SETBP1: variants seen among roughly 807,000 people sequenced by gnomAD.
SETBP1 encodes SET-binding protein.
SETBP1 carries 9 observed loss-of-function variants against 101.0 expected under a neutral mutation model. The ratio of observed to expected loss-of-function variants is 0.09; its 90% CI spans 0.05 to 0.16. The LOEUF is 0.16. SETBP1 is among the 10% of genes least tolerant of loss of function. The probability of loss-of-function intolerance (pLI) is 1.00; values close to 1 mark genes in which losing one functional copy is unlikely to be tolerated. For synonymous variants in SETBP1, 818 were observed against 788.5 expected, an observed-to-expected ratio of 1.04 and a Z score of -0.63; for missense variants, 1,858 against 2,033.8, an observed-to-expected ratio of 0.91 and a Z score of 1.66.
chr18:44,771,030 G>A (rs1475724581), intron 2 of SETBP1, among the ~76,000 whole-genome samples: 1 of 151,962 alleles, frequency 6.6e-6, no homozygotes, highest in Non-Finnish European at 1.5e-5. Context: ...ATTTCACCTT[G>A]CAGGGAGGCC....
intron 5 of SETBP1, among the ~76,000 whole-genome samples, chr18:45,046,393 G>A (rs2073611947): frequency 1.3e-5 from 2 of 152,146 alleles, no homozygotes; most frequent in African/African-American, 2.4e-5. Flanking sequence ...TTCACCAGAT[G>A]GAGCAACCTA....
chr18:45,062,774 C>T (rs1348819738), intron 5 of SETBP1, among the ~76,000 whole-genome samples: 1 of 152,152 alleles, frequency 6.6e-6, no homozygotes, highest in Non-Finnish European at 1.5e-5. Context: ...GGCCAGTTTA[C>T]CTCCACAGTA....
At chr18:44,735,958 A>G (rs926385134) in intron 2 of SETBP1, among the ~76,000 whole-genome samples, 1 of 152,208 alleles carries the variant, frequency 6.6e-6, no homozygotes, top group East Asian at 1.9e-4. Flanking sequence ...GGAGGGAAAG[A>G]TAACATTTTG....
At chr18:44,918,258 G>A (rs1475891322) in intron 3 of SETBP1, among the ~76,000 whole-genome samples, 1 of 152,134 alleles carries the variant, frequency 6.6e-6, no homozygotes, top group African/African-American at 2.4e-5. Context: ...ATACTTTCTG[G>A]CAACATGCAC....
intron 2 of SETBP1, among the ~76,000 whole-genome samples, chr18:44,771,413 A>G (rs778355215): frequency 6.6e-6 from 1 of 151,774 alleles, no homozygotes; most frequent in Non-Finnish European, 1.5e-5. Context: ...TGAAACTGTT[A>G]GATGAGCAGC....
intron 2 of SETBP1, among the ~76,000 whole-genome samples, chr18:44,760,404 C>G (rs959974695): frequency 2.6e-5 from 4 of 152,220 alleles, no homozygotes; most frequent in African/African-American, 7.2e-5. Flanking sequence ...CCAGTTCTGC[C>G]TTGGTTACCC....
intron 2 of SETBP1, among the ~76,000 whole-genome samples, chr18:44,769,738 T>C (rs772931699): frequency 4.6e-5 from 7 of 152,216 alleles, no homozygotes; most frequent in Non-Finnish European, 1.0e-4. Flanking sequence ...TTATGCTATA[T>C]AGAAGTTCAT....
chr18:44,969,537 A>G (rs904823280), intron 4 of SETBP1, among the ~76,000 whole-genome samples: 5 of 152,152 alleles, frequency 3.3e-5, no homozygotes, highest in African/African-American at 1.2e-4. Context: ...TAAAGGAGGG[A>G]CTTTAGGTTG....
chr18:44,702,085 T>C (rs2069125745), intron 2 of SETBP1, among the ~76,000 whole-genome samples: 3 of 152,146 alleles, frequency 2.0e-5, no homozygotes, highest in Admixed American at 1.3e-4. Flanking sequence ...TTATATATTA[T>C]ATGTATTATA....
chr18:44,803,703 C>A (rs2071661322), intron 2 of SETBP1, among the ~76,000 whole-genome samples: 1 of 152,088 alleles, frequency 6.6e-6, no homozygotes, highest in South Asian at 2.1e-4. Context: ...TCTCTGTATT[C>A]TTTTCTCTTC....
intron 3 of SETBP1, among the ~76,000 whole-genome samples, chr18:44,914,944 A>G (rs1386777718): frequency 6.6e-6 from 1 of 152,074 alleles, no homozygotes. Flanking sequence ...GCTTATTTTA[A>G]TACTTTCACA....
chr18:45,043,426 T>C (rs2073550480), intron 5 of SETBP1, among the ~76,000 whole-genome samples: 2 of 149,364 alleles, frequency 1.3e-5, no homozygotes, highest in Non-Finnish European at 3.0e-5. Context: ...TTCTCTCATC[T>C]TAAGTCCAAG....
chr18:44,702,778 A>G (rs150213456), intron 2 of SETBP1, among the ~76,000 whole-genome samples: 45 of 152,350 alleles, frequency 3.0e-4, no homozygotes, highest in African/African-American at 1.0e-3. Context: ...AAAAATCATC[A>G]TTGTGAAAGC....
chr18:44,882,574 A>G (rs916169396), intron 3 of SETBP1, among the ~76,000 whole-genome samples: 2 of 151,790 alleles, frequency 1.3e-5, no homozygotes, highest in African/African-American at 4.8e-5. Context: ...GCAAAGAAAG[A>G]ATTCTCCAAA....
chr18:44,749,525 G>A (rs1159216077), intron 2 of SETBP1, among the ~76,000 whole-genome samples: 2 of 152,156 alleles, frequency 1.3e-5, no homozygotes, highest in Non-Finnish European at 2.9e-5. Context: ...TTCCAGGGAA[G>A]CAATTTCTTC....
Position 44,684,422 on chromosome 18 carries a change from G to A in SETBP1, c.-173+3401G>A, listed in dbSNP as rs756486020. Among the ~76,000 whole-genome samples the A allele has an allele frequency of 1.1e-4, 17 of 152,112 alleles. No homozygotes were observed. The South Asian group carries it at 1.5e-3, about 13-fold the overall frequency. ...TGAGTTTTCGTTTTCCCTTTTTACC[G>A]AACTTTCTATTAGATTTTGATGCCC... On this transcript the variant is annotated intron_variant, in intron 1 of 5. Transcript: ENST00000649279.
rs534152583 is a variant in SETBP1 at position 45,012,579 on chromosome 18, C to A, written c.4001-25906C>A. ...GGAATTCACTAGCCCTGGGAGGAGCCATCTCTCCAGGATCAGCAGGATTTG... is the reference window on the plus strand; with the variant it reads ...GGAATTCACTAGCCCTGGGAGGAGCAATCTCTCCAGGATCAGCAGGATTTG... On this transcript the variant is annotated intron_variant, in intron 4 of 5. Coordinates refer to ENST00000649279, the MANE Select transcript of SETBP1 (RefSeq NM_015559.3). Among the ~76,000 whole-genome samples the A allele has an allele frequency of 3.5e-4, 53 of 152,118 alleles. No homozygotes were observed. In the South Asian group the frequency reaches 3.7e-3, roughly 11 times the overall value.
At chr18:44,835,732 G>A (rs2072481737) in intron 2 of SETBP1, among the ~76,000 whole-genome samples, 1 of 152,116 alleles carries the variant, frequency 6.6e-6, no homozygotes, top group African/African-American at 2.4e-5. Flanking sequence ...AAGTTCACAC[G>A]GCCAAGCCAG....
At chr18:45,034,339 G>T (rs2073353311) in intron 4 of SETBP1, among the ~76,000 whole-genome samples, 3 of 152,234 alleles carry the variant, frequency 2.0e-5, no homozygotes, top group African/African-American at 7.2e-5. Flanking sequence ...GTTTAACCTT[G>T]AACTGAGCTC....
Sources: allele counts gnomAD v4.1 joint callset (sites outside exome capture counted in the v4.1 genomes callset), GRCh38; gene constraint gnomAD v4.1.1; transcripts MANE v1.5; gene names NCBI Gene and HGNC (gene_info 2026-07-23, HGNC 2026-07-21).